THEM4: variants seen among roughly 807,000 people sequenced by gnomAD.
THEM4 encodes acyl-coenzyme A thioesterase THEM4.
In THEM4, 22 loss-of-function variants were observed where a neutral mutation model predicts 25.0. That is an observed-to-expected ratio of 0.88 (90% CI 0.63 to 1.26). The LOEUF is 1.26. Ranked by LOEUF, THEM4 falls within the 50% of genes most tolerant of loss-of-function variation. The probability of loss-of-function intolerance (pLI) is 0.00; values close to 1 mark genes in which losing one functional copy is unlikely to be tolerated. For missense variants in THEM4, 286 were observed against 300.3 expected (o/e 0.95, Z 0.35); for synonymous variants, 113 against 105.6 (o/e 1.07, Z -0.43).
chr1:151,874,858 G>C lies in THEM4; in HGVS notation c.*30C>G. The C allele has an allele frequency of 1.9e-6, 3 of 1,609,146 alleles. No individual in the cohort carries two copies. Among genetic ancestry groups the C allele is most frequent in the Non-Finnish European group, 2.6e-6 (3 of 1,176,400 alleles). On this transcript the variant is annotated 3_prime_UTR_variant, in exon 6 of 6. Transcript: ENST00000368814. ...GGACAACTGCTTCTTCTGGAGGGGC[G>C]AGAATGAGATGGAGTTCACCAGCAG...
At chr1:151,877,812 C>T (rs567342266) in intron 4 of THEM4, among the ~76,000 whole-genome samples, 61 of 152,218 alleles carry the variant, frequency 4.0e-4, no homozygotes, top group Middle Eastern at 3.4e-3. Context: ...TGGCTACAGA[C>T]GTTTCTGGGA....
chr1:151,872,488 A>T lies in THEM4; in HGVS notation c.*2400T>A, dbSNP rs1653575832. On this transcript the variant is annotated 3_prime_UTR_variant, in exon 6 of 6. Transcript: ENST00000368814. ...TTGCCTGCACTAGGAAGCAGAATAT[A>T]TTTTCCAGAACATTAGTCTCTGTAG... Among the ~76,000 whole-genome samples, 1 of 152,216 alleles carries T rather than the reference A, an allele frequency of 6.6e-6. No homozygotes were observed. Among genetic ancestry groups the T allele is most frequent in the Non-Finnish European group, 1.5e-5 (1 of 68,044 alleles).
chr1:151,875,032 T>A lies in THEM4; in HGVS notation c.683-104A>T, dbSNP rs1408177496. Reference sequence around the variant, plus strand: ...ATACAAAAGAAGGATTTGATTCACATTTGTAGCTTCAGTCTATCTGTCCAC... The same window carrying A: ...ATACAAAAGAAGGATTTGATTCACAATTGTAGCTTCAGTCTATCTGTCCAC... On this transcript the variant is annotated intron_variant, in intron 5 of 5. Coordinates refer to ENST00000368814, the MANE Select transcript of THEM4 (RefSeq NM_053055.5). The A allele has an allele frequency of 7.3e-6, 7 of 953,990 alleles. No individual in the cohort carries two copies. In the African/African-American group the frequency reaches 1.1e-4, roughly 15 times the overall value. 59.1% of individuals were successfully genotyped at this position (953,990 alleles called of 1,614,324 possible).
At chr1:151,892,408 A>T (rs1175105699) in intron 2 of THEM4, among the ~76,000 whole-genome samples, 1 of 152,202 alleles carries the variant, frequency 6.6e-6, no homozygotes, top group Non-Finnish European at 1.5e-5. Flanking sequence ...TTCAATGAAG[A>T]CATTTCAGTA....
intron 4 of THEM4, among the ~76,000 whole-genome samples, chr1:151,882,947 A>T (rs1431565459): frequency 2.0e-5 from 3 of 152,088 alleles, no homozygotes; most frequent in Non-Finnish European, 4.4e-5. Flanking sequence ...GGTTTAATTG[A>T]CTCACAGTTC....
In THEM4 at chr1:151,894,724, G is replaced by C. The variant is rs191198722; in HGVS notation, c.286+284C>G. The stretch of plus-strand genomic sequence containing the variant: ...TAGATGACAGCCTCAAGACGGAGAG[G>C]TGATGAGGTTGTAGGAGGGTGGAAG... On this transcript the variant is annotated intron_variant, in intron 2 of 5. Transcript: ENST00000368814. The C allele has an allele frequency of 2.9e-4, 166 of 572,604 alleles. No individual in the cohort carries two copies. The African/African-American group carries it at 2.9e-3, about 10-fold the overall frequency. 35.5% of individuals were successfully genotyped at this position (572,604 alleles called of 1,614,324 possible). A position where few individuals can be genotyped will look rare whatever the true frequency, so the allele number is the denominator to read the frequency against.
In THEM4 at chr1:151,883,717, C is replaced by T. The variant is rs1188377323; in HGVS notation, c.557+4556G>A. On this transcript the variant is annotated intron_variant, in intron 4 of 5. Coordinates refer to ENST00000368814, the MANE Select transcript of THEM4 (RefSeq NM_053055.5). ...TGGCATGATCTCGGCTCATTGCAAC[C>T]TCCCAGGTTCAAGCGATTCTCCTGC... Among the ~76,000 whole-genome samples the T allele has an allele frequency of 2.0e-5, 3 of 151,380 alleles. No homozygotes were observed. In the East Asian group the frequency reaches 5.9e-4, roughly 30 times the overall value.
chr1:151,895,129 C>T lies in THEM4; in HGVS notation c.165G>A (p.Lys55=). 1 of 1,614,084 alleles carries T rather than the reference C, an allele frequency of 6.2e-7. No individual in the cohort carries two copies. Reference sequence around the variant, plus strand: ...ACTGGTCAAAGAGCAGTCTTAGGTCCTTGTTCCAGCTGGGGTTGGGGACAG... The same window carrying T: ...ACTGGTCAAAGAGCAGTCTTAGGTCTTTGTTCCAGCTGGGGTTGGGGACAG... The part of the protein sequence containing the change: ...DCSVPNPSWN[K]DLRLLFDQFM... Residue 55 remains lysine (K), a synonymous_variant, in exon 2 of 6, where the codon AAG becomes AAA. Transcript: ENST00000368814.
chr1:151,894,761 C>T, intron 2 of THEM4: 1 of 599,260 alleles, frequency 1.7e-6, no homozygotes, highest in Admixed American at 3.1e-5. Context: ...TCTCTGGGGC[C>T]CTTTCTTCAC....
intron 4 of THEM4, among the ~76,000 whole-genome samples, chr1:151,886,883 C>T (rs1653982984): frequency 6.6e-6 from 1 of 152,210 alleles, no homozygotes; most frequent in Non-Finnish European, 1.5e-5. Context: ...TTCTATTCTA[C>T]ATGGTACTAG....
At chr1:151,899,150 C>A (rs183539538) in intron 1 of THEM4, among the ~76,000 whole-genome samples, 74 of 152,220 alleles carry the variant, frequency 4.9e-4, no homozygotes, top group Admixed American at 3.0e-3. Flanking sequence ...CAGGGAGATA[C>A]CAGAGAAAGG....
chr1:151,895,133 T>C lies in THEM4; in HGVS notation c.161A>G (p.Asn54Ser), dbSNP rs1015838475. ...GTCAAAGAGCAGTCTTAGGTCCTTGTTCCAGCTGGGGTTGGGGACAGAACA... is the reference window on the plus strand; with the variant it reads ...GTCAAAGAGCAGTCTTAGGTCCTTGCTCCAGCTGGGGTTGGGGACAGAACA... The part of the protein sequence containing the change: ...KDCSVPNPSW[N>S]KDLRLLFDQF... Residue 54 changes from asparagine to serine, a missense_variant, in exon 2 of 6, where the codon AAC (asparagine) becomes AGC (serine). By Grantham distance (46) the Asn-to-Ser change is conservative. Transcript: ENST00000368814. The C allele has an allele frequency of 6.8e-6, 11 of 1,614,044 alleles. No individual in the cohort carries two copies. Among genetic ancestry groups the C allele is most frequent in the Non-Finnish European group, 9.3e-6 (11 of 1,180,022 alleles).
rs776898552 is a variant in THEM4 at position 151,888,397 on chromosome 1, G to A, written c.447-14C>T. ...CCATGAATGAATCTAGTTACAACAGGAGTGGAGGAGAAATGTTTTCAGAAG... is the reference window on the plus strand; with the variant it reads ...CCATGAATGAATCTAGTTACAACAGAAGTGGAGGAGAAATGTTTTCAGAAG... On this transcript the variant is annotated splice_polypyrimidine_tract_variant and intron_variant, in intron 3 of 5. Coordinates refer to ENST00000368814, the MANE Select transcript of THEM4 (RefSeq NM_053055.5). The A allele has an allele frequency of 1.9e-6, 3 of 1,580,676 alleles. No homozygotes were observed. Among genetic ancestry groups the A allele is most frequent in the South Asian group, 2.3e-5 (2 of 88,048 alleles).
chr1:151,873,695 G>A lies in THEM4; in HGVS notation c.*1193C>T, dbSNP rs1488999815. 1 of 152,208 alleles carries A rather than the reference G, an allele frequency of 6.6e-6. No homozygotes were observed. The highest frequency in any genetic ancestry group is 2.1e-4 in the South Asian group (1 of 4,830). 9.4% of individuals were successfully genotyped at this position (152,208 alleles called of 1,614,324 possible). ...ATGACTGGTTTCCTTATAAAAAGAG[G>A]AGACTTGGACACAGAGATAGATCTG... On this transcript the variant is annotated 3_prime_UTR_variant, in exon 6 of 6. Transcript: ENST00000368814.
rs546878354 is a variant in THEM4 at position 151,893,034 on chromosome 1, T to C, written c.286+1974A>G. ...TGAGAGGTTAGCGGACTCAGCAACA[T>C]GAAGGTCACTGGTACCTTTGGCAAG... On this transcript the variant is annotated intron_variant, in intron 2 of 5. Transcript: ENST00000368814. Among the ~76,000 whole-genome samples, 7 of 152,242 alleles carry C rather than the reference T, an allele frequency of 4.6e-5. No individual in the cohort carries two copies. The South Asian group carries it at 1.2e-3, about 27-fold the overall frequency.
intron 4 of THEM4, among the ~76,000 whole-genome samples, chr1:151,883,121 T>TATTTATTTATTG: frequency 6.6e-6 from 1 of 150,892 alleles, no homozygotes; most frequent in Non-Finnish European, 1.5e-5. Context: ...TTTATTTATT[T>TATTTATTTATTG]ATTTATTTAT....
In THEM4 at chr1:151,892,238, A is replaced by G. The variant is rs114354454; in HGVS notation, c.286+2770T>C. ...AAATGTAGGAATGGAACCCTGGAAA[A>G]CATTGACATTTAAGGAGCAAGTAGA... is the stretch of plus-strand genomic sequence containing the variant. On this transcript the variant is annotated intron_variant, in intron 2 of 5. Coordinates refer to ENST00000368814, the MANE Select transcript of THEM4 (RefSeq NM_053055.5). 3.2e-3 allele frequency among the ~76,000 whole-genome samples: 487 copies of G among 152,268 alleles called. 4 individuals are homozygous for G. The highest frequency in any genetic ancestry group is 0.011 in the African/African-American group (471 of 41,540).
At chr1:151,878,509 C>T (rs184702927) in intron 4 of THEM4, among the ~76,000 whole-genome samples, 3 of 152,344 alleles carry the variant, frequency 2.0e-5, no homozygotes, top group East Asian at 1.9e-4. Flanking sequence ...GGCTGAGATT[C>T]CTAATGACAT....
intron 4 of THEM4, among the ~76,000 whole-genome samples, chr1:151,879,927 A>G (rs1653774902): frequency 1.3e-5 from 2 of 151,904 alleles, no homozygotes; most frequent in South Asian, 2.1e-4. Context: ...AGGTGCTGAG[A>G]TTACAGGCTT....
Sources: allele counts gnomAD v4.1 joint callset (sites outside exome capture counted in the v4.1 genomes callset), GRCh38; gene constraint gnomAD v4.1.1; transcripts MANE v1.5; gene names NCBI Gene and HGNC (gene_info 2026-07-23, HGNC 2026-07-21).